KIF25: variants seen among roughly 807,000 people sequenced by gnomAD.
KIF25 encodes kinesin family member 25.
A neutral mutation model predicts 32.9 loss-of-function variants in KIF25; 19 were observed. The ratio of observed to expected loss-of-function variants is 0.58; its 90% CI spans 0.40 to 0.85. KIF25 has a LOEUF of 0.85. KIF25 is among the 40% of genes least tolerant of loss of function. The pLI, the probability that KIF25 is intolerant of heterozygous loss-of-function variation, is 0.00. For synonymous variants in KIF25, 225 were observed against 213.7 expected (o/e 1.05, Z -0.46); for missense variants, 485 against 507.0 (o/e 0.96, Z 0.42).
chr6:168,001,378 G>A (rs73788669), intron 2 of KIF25, among the ~76,000 whole-genome samples: 23,484 of 152,196 alleles, frequency 0.15, 2,239 homozygotes, highest in East Asian at 0.44. Flanking sequence ...GGCCCCCAGC[G>A]GTGATCAGCT....
intron 4 of KIF25, among the ~76,000 whole-genome samples, chr6:168,016,138 AGGGACT>A (rs1798709639): frequency 6.6e-6 from 1 of 152,186 alleles, no homozygotes; most frequent in South Asian, 2.1e-4. Flanking sequence ...CGGTTGGATT[AGGGACT>A]GGGAGGTCTG....
At chr6:168,042,180 G>A (rs1371787572) in intron 11 of KIF25, 29 bp downstream of exon 11, 1 of 1,540,460 alleles carries the variant, frequency 6.5e-7, no homozygotes, top group Non-Finnish European at 8.8e-7. Flanking sequence ...TTCCCTGGGG[G>A]GTGGGTGCTG....
Position 168,002,595 on chromosome 6 carries a change from C to T in KIF25, c.-317C>T, listed in dbSNP as rs1798522954. ...TTCCTGAAGGGGAGAACCTGATGAG[C>T]TTGTCTTCTAGATCAGTGGTCCCCA... On this transcript the variant is annotated 5_prime_UTR_variant, in exon 3 of 13. Transcript: ENST00000643607. 2 of 152,224 alleles carry T rather than the reference C, an allele frequency of 1.3e-5. No homozygotes were observed. Among genetic ancestry groups the T allele is most frequent in the South Asian group, 4.1e-4 (2 of 4,834 alleles). The allele number at this position is 152,224 out of a possible 1,614,324, so 9.4% of individuals were successfully genotyped here.
In KIF25 at chr6:168,042,727, TC is replaced by T; in HGVS notation, c.985+15del. On this transcript the variant is annotated intron_variant, in intron 12 of 12. Coordinates refer to ENST00000643607, the MANE Select transcript of KIF25 (RefSeq NM_030615.4). ...TTCAGGACTGCCTCGGTAACCGTTTTCCCCAAAATGCCCCAGGATGGGGGAC... is the reference window on the plus strand; with the variant it reads ...TTCAGGACTGCCTCGGTAACCGTTTTCCCAAAATGCCCCAGGATGGGGGAC... 2 of 1,604,334 alleles carry T rather than the reference TC, an allele frequency of 1.2e-6. No individual in the cohort carries two copies. Among genetic ancestry groups the T allele is most frequent in the South Asian group, 1.1e-5 (1 of 90,544 alleles).
intron 7 of KIF25, among the ~76,000 whole-genome samples, chr6:168,031,899 C>T (rs1798947136): frequency 1.3e-5 from 2 of 152,294 alleles, no homozygotes; most frequent in Admixed American, 6.5e-5. Flanking sequence ...CATGACACAG[C>T]CCAGGAGGTC....
At chr6:168,012,448 C>T (rs969478091) in intron 4 of KIF25, among the ~76,000 whole-genome samples, 1 of 152,158 alleles carries the variant, frequency 6.6e-6, no homozygotes, top group African/African-American at 2.4e-5. Flanking sequence ...TCTCAGTGGC[C>T]TACAGTGAGG....
At chr6:168,001,299 A>C (rs948526301) in intron 2 of KIF25, among the ~76,000 whole-genome samples, 1 of 152,242 alleles carries the variant, frequency 6.6e-6, no homozygotes, top group East Asian at 1.9e-4. Context: ...CAGTGCTCAA[A>C]ACGTTTTGGA....
chr6:168,042,095 C>G lies in KIF25; in HGVS notation c.773C>G (p.Ala258Gly). Residue 258 changes from alanine (A) to glycine (G), a missense_variant, in exon 11 of 13, where the codon GCG (alanine) becomes GGG (glycine). This residue lies in a region of KIF25 where 480 missense variants were observed against 470.3 expected (regional missense o/e 1.02). Coordinates refer to ENST00000643607, the MANE Select transcript of KIF25 (RefSeq NM_030615.4). ...QLVPGNPAGH[A>G]EQVQARLQLV... is the part of the protein sequence containing the mutation. ...GTTCCTGGGAACCCCGCAGGGCATGCGGAGCAGGTGCAGGCTCGACTACAG... is the reference window on the plus strand; with the variant it reads ...GTTCCTGGGAACCCCGCAGGGCATGGGGAGCAGGTGCAGGCTCGACTACAG... 1.3e-6 allele frequency: 2 copies of G among 1,551,524 alleles called. No homozygotes were observed. Among genetic ancestry groups the G allele is most frequent in the Non-Finnish European group, 1.7e-6 (2 of 1,147,564 alleles).
chr6:168,029,371 A>T, intron 5 of KIF25, 121 bp from the exon 6 acceptor site: 1 of 654,166 alleles, frequency 1.5e-6, no homozygotes, highest in Non-Finnish European at 2.4e-6. Context: ...AAAGTAACTT[A>T]ACTAGACAAT....
intron 8 of KIF25, among the ~76,000 whole-genome samples, chr6:168,037,685 T>TA (rs1416783668): frequency 5.3e-5 from 8 of 152,080 alleles, no homozygotes; most frequent in African/African-American, 1.7e-4. Flanking sequence ...TATCTTTATT[T>TA]AAAAACATTC....
chr6:168,023,060 G>T (rs769029476), intron 5 of KIF25, among the ~76,000 whole-genome samples: 1 of 152,066 alleles, frequency 6.6e-6, no homozygotes, highest in Non-Finnish European at 1.5e-5. Flanking sequence ...TCAGGGACTA[G>T]GCCTATCTTT....
chr6:168,017,319 C>T (rs1376979337), intron 4 of KIF25, among the ~76,000 whole-genome samples: 2 of 152,190 alleles, frequency 1.3e-5, no homozygotes, highest in African/African-American at 4.8e-5. Context: ...TTGTGGTTTT[C>T]ATTCTCCCTA....
At chr6:168,000,809 T>TCTC (rs10637507) in intron 2 of KIF25, among the ~76,000 whole-genome samples, 1 of 151,626 alleles carries the variant, frequency 6.6e-6, no homozygotes, top group Non-Finnish European at 1.5e-5. Flanking sequence ...CACTCCTGAC[T>TCTC]TTGCTTTGCT....
intron 9 of KIF25, among the ~76,000 whole-genome samples, 155 bp from the exon 10 acceptor site, chr6:168,039,910 T>C (rs1799090133): frequency 6.6e-6 from 1 of 152,232 alleles, no homozygotes; most frequent in African/African-American, 2.4e-5. Context: ...AAAAGTTTGC[T>C]TTACCATGAT....
chr6:168,024,176 A>AG (rs1798826215), intron 5 of KIF25, among the ~76,000 whole-genome samples: 1 of 152,254 alleles, frequency 6.6e-6, no homozygotes, highest in African/African-American at 2.4e-5. Flanking sequence ...CACTAAAAAC[A>AG]GTATAGAGAA....
At position 168,038,659 on chromosome 6, in the gene KIF25, GT is replaced by G; in HGVS notation, c.425del (p.Val142GlyfsTer9). ...DLLAKDSIAA[V>X]SGVKREVVTA... ...TCTGGCCAAAGACAGCATTGCAGCA[GT>G]GTCGGGGGTCAAGCGTGAGGTGGTG... On this transcript the variant is annotated frameshift_variant, in exon 9 of 13. Coordinates refer to ENST00000643607, the MANE Select transcript of KIF25 (RefSeq NM_030615.4). LOFTEE classifies it high-confidence loss of function. The G allele has an allele frequency of 6.2e-7, 1 of 1,614,228 alleles. No homozygotes were observed. The highest frequency in any genetic ancestry group is 1.1e-5 in the South Asian group (1 of 91,084).
intron 8 of KIF25, chr6:168,035,661 A>C (rs1799013945): frequency 2.2e-6 from 1 of 455,128 alleles, no homozygotes; most frequent in Non-Finnish European, 4.4e-6. Flanking sequence ...CATTACTGGC[A>C]AGCGTTTCAG....
At chr6:168,004,535 A>G (rs1798552233) in intron 4 of KIF25, among the ~76,000 whole-genome samples, 1 of 152,238 alleles carries the variant, frequency 6.6e-6, no homozygotes, top group Non-Finnish European at 1.5e-5. Context: ...GGGCAGATGC[A>G]TGGTTTTTGA....
chr6:168,011,921 G>T (rs916640141), intron 4 of KIF25, among the ~76,000 whole-genome samples: 1 of 152,020 alleles, frequency 6.6e-6, no homozygotes, highest in South Asian at 2.1e-4. Context: ...CTGTCTTCAA[G>T]TTTAGAATTT....
Sources: gnomAD v4.1 joint callset for allele counts (sites outside exome capture counted in the v4.1 genomes callset) on GRCh38, gnomAD v4.1.1 for gene constraint, gnomAD v4.1.1 regional missense constraint, MANE v1.5 for transcripts, NCBI Gene and HGNC (gene_info 2026-07-23, HGNC 2026-07-21) for gene names.